Variants in MSI2 observed in about 807,000 individuals in gnomAD.
The protein encoded by MSI2 is RNA-binding protein Musashi homolog 2.
In MSI2, 17 loss-of-function variants were observed where a neutral mutation model predicts 45.6. The ratio of observed to expected loss-of-function variants is 0.37; its 90% CI spans 0.26 to 0.56. MSI2 has a LOEUF of 0.56. Ranked by LOEUF, MSI2 falls within the 20% of genes least tolerant of loss-of-function variation. The pLI is 0.77. For synonymous variants in MSI2, 156 were observed against 158.2 expected, an observed-to-expected ratio of 0.99 and a Z score of 0.11; for missense variants, 293 against 444.2, an observed-to-expected ratio of 0.66 and a Z score of 3.06.
intron 5 of MSI2, among the ~76,000 whole-genome samples, chr17:57,314,233 C>G (rs1912654021): frequency 6.6e-6 from 1 of 152,102 alleles, no homozygotes; most frequent in Non-Finnish European, 1.5e-5. Context: ...CCTAATGATC[C>G]TATTTTAATT....
chr17:57,380,436 TC>T (rs1301360073), intron 5 of MSI2, among the ~76,000 whole-genome samples: 1 of 152,130 alleles, frequency 6.6e-6, no homozygotes. Flanking sequence ...ACCCAGACTT[TC>T]ATTTTGGTTA....
chr17:57,394,843 G>T (rs1177303614), intron 5 of MSI2, among the ~76,000 whole-genome samples: 1 of 152,226 alleles, frequency 6.6e-6, no homozygotes, highest in East Asian at 1.9e-4. Context: ...AAAAGGTGAG[G>T]TCAAGGCAGT....
intron 7 of MSI2, among the ~76,000 whole-genome samples, chr17:57,546,934 G>A (rs765326341): frequency 8.5e-5 from 13 of 152,224 alleles, no homozygotes; most frequent in Non-Finnish European, 1.3e-4. Context: ...TGTTCTGCGG[G>A]GAGAAGGAAC....
At chr17:57,292,073 GT>G (rs1910469929) in intron 5 of MSI2, among the ~76,000 whole-genome samples, 1 of 152,008 alleles carries the variant, frequency 6.6e-6, no homozygotes, top group African/African-American at 2.4e-5. Flanking sequence ...CGAGACCTGC[GT>G]GAAAATGCAG....
chr17:57,257,229 C>T, intron 2 of MSI2, 91 bp downstream of exon 2: 1 of 453,928 alleles, frequency 2.2e-6, no homozygotes, highest in South Asian at 2.5e-5. Flanking sequence ...CCCCCCCCCC[C>T]GCCATTGGCT....
At chr17:57,385,679 T>A (rs2083673497) in intron 5 of MSI2, among the ~76,000 whole-genome samples, 1 of 151,994 alleles carries the variant, frequency 6.6e-6, no homozygotes, top group Admixed American at 6.6e-5. Flanking sequence ...ACAAAAAAAC[T>A]CCTGCTGCTC....
chr17:57,574,278 T>C (rs1286350652), intron 7 of MSI2, among the ~76,000 whole-genome samples: 1 of 152,246 alleles, frequency 6.6e-6, no homozygotes, highest in Non-Finnish European at 1.5e-5. Context: ...AGCTTCTCTC[T>C]CGTCACTATT....
intron 7 of MSI2, among the ~76,000 whole-genome samples, chr17:57,577,077 A>G (rs1187232851): frequency 6.6e-6 from 1 of 152,204 alleles, no homozygotes; most frequent in Non-Finnish European, 1.5e-5. Context: ...ATTACGGGAA[A>G]AATTCCAGAG....
In MSI2 at chr17:57,389,220, G is replaced by A. The variant is rs186465697; in HGVS notation, c.313-12159G>A. 1.9e-3 allele frequency among the ~76,000 whole-genome samples: 282 copies of A among 151,904 alleles called. 2 individuals carry two copies. The highest frequency in any genetic ancestry group is 6.6e-3 in the African/African-American group (273 of 41,412). On this transcript the variant is annotated intron_variant, in intron 5 of 13. Transcript: ENST00000284073. ...TCTCAAACTCCTGACCTCATGATCC[G>A]CCTGCCTCGGCCTCCCAAAGTACTG...
intron 6 of MSI2, among the ~76,000 whole-genome samples, chr17:57,443,538 C>T (rs1203009840): frequency 6.6e-6 from 1 of 152,152 alleles, no homozygotes; most frequent in African/African-American, 2.4e-5. Flanking sequence ...CCATAGAACA[C>T]GGTTGGAAGA....
intron 6 of MSI2, among the ~76,000 whole-genome samples, chr17:57,487,086 A>G (rs1386203209): frequency 1.3e-5 from 2 of 152,220 alleles, no homozygotes; most frequent in Non-Finnish European, 2.9e-5. Flanking sequence ...GAGGCAGGCA[A>G]TATGGCCCTG....
chr17:57,276,218 G>T (rs184102848), intron 5 of MSI2, among the ~76,000 whole-genome samples: 6 of 152,314 alleles, frequency 3.9e-5, no homozygotes, highest in Admixed American at 6.5e-5. Flanking sequence ...AAAGTGGCAG[G>T]TTACACATCC....
At chr17:57,543,736 C>T (rs1234253020) in intron 7 of MSI2, among the ~76,000 whole-genome samples, 1 of 152,248 alleles carries the variant, frequency 6.6e-6, no homozygotes, top group African/African-American at 2.4e-5. Context: ...TGCTCCCTCC[C>T]CCATGCTGTC....
chr17:57,498,974 G>A (rs1486236386), intron 6 of MSI2, among the ~76,000 whole-genome samples: 1 of 137,480 alleles, frequency 7.3e-6, no homozygotes, highest in Admixed American at 8.4e-5. Context: ...GTGTCCAAGT[G>A]TTCTCATTGT....
At chr17:57,689,466 T>C (rs141330481), downstream of MSI2, among the ~76,000 whole-genome samples, 691 of 152,252 alleles carry the variant, frequency 4.5e-3, 5 homozygotes, top group African/African-American at 0.014. Context: ...AAGCGCTAAA[T>C]ACAACAGTTT....
At chr17:57,499,375 TAAA>T (rs55797448) in intron 6 of MSI2, among the ~76,000 whole-genome samples, 1 of 125,844 alleles carries the variant, frequency 7.9e-6, no homozygotes, top group Non-Finnish European at 1.6e-5. Flanking sequence ...GATTCTGTCT[TAAA>T]AAAAAAAAAA....
intron 6 of MSI2, among the ~76,000 whole-genome samples, chr17:57,518,451 C>T (rs1191674464): frequency 1.3e-5 from 2 of 152,142 alleles, no homozygotes; most frequent in Non-Finnish European, 2.9e-5. Context: ...AATATCAGCC[C>T]GTATTAGGAC....
chr17:57,649,293 AAACAC>A lies in MSI2; in HGVS notation c.728-2799_728-2795del, dbSNP rs1910940236. ...CAGGTACACAATACGTACACTCAAC[AAACAC>A]AACACACACAACACATACATACACT... is the stretch of plus-strand genomic sequence containing the variant. On this transcript the variant is annotated intron_variant, in intron 10 of 13. Coordinates refer to ENST00000284073, the MANE Select transcript of MSI2 (RefSeq NM_138962.4). Among the ~76,000 whole-genome samples the A allele has an allele frequency of 1.3e-5, 2 of 152,006 alleles. 1 individual carries two copies. Among genetic ancestry groups the A allele is most frequent in the South Asian group, 4.2e-4 (2 of 4,814 alleles).
chr17:57,348,571 C>A (rs1598154266), intron 5 of MSI2, among the ~76,000 whole-genome samples: 1 of 152,130 alleles, frequency 6.6e-6, no homozygotes, highest in Non-Finnish European at 1.5e-5. Context: ...GCACCTCTTC[C>A]CTCTCCTTCT....
Sources: gnomAD v4.1 joint callset for allele counts (sites outside exome capture counted in the v4.1 genomes callset) on GRCh38, gnomAD v4.1.1 for gene constraint, MANE v1.5 for transcripts, NCBI Gene and HGNC (gene_info 2026-07-23, HGNC 2026-07-21) for gene names.